The following CFAP251 variants were observed in gnomAD, a reference collection of about 807,000 sequenced individuals.
CFAP251 encodes cilia- and flagella-associated protein 251.
Under a neutral mutation model 126.7 loss-of-function variants are expected in CFAP251, and 93 were observed. That is an observed-to-expected ratio of 0.73 (90% CI 0.62 to 0.87). The LOEUF (loss-of-function observed/expected upper bound fraction) is 0.87, where lower values mean the gene tolerates loss of function less well. CFAP251 is among the 40% of genes least tolerant of loss of function. CFAP251 has a pLI of 0.00. For missense variants in CFAP251, 1,287 were observed against 1,389.2 expected, an observed-to-expected ratio of 0.93 and a Z score of 1.17; for synonymous variants, 503 against 506.9, an observed-to-expected ratio of 0.99 and a Z score of 0.10.
At chr12:121,941,268 GTGAT>G (rs1881102127) in intron 5 of CFAP251, among the ~76,000 whole-genome samples, 1 of 149,674 alleles carries the variant, frequency 6.7e-6, no homozygotes, top group Non-Finnish European at 1.5e-5. Flanking sequence ...CTGACCTCAG[GTGAT>G]CCACCTGCCT....
intron 5 of CFAP251, among the ~76,000 whole-genome samples, chr12:121,940,846 T>C (rs1881082250): frequency 6.6e-6 from 1 of 152,070 alleles, no homozygotes; most frequent in Admixed American, 6.6e-5. Context: ...AACCATTGCT[T>C]ACAGTTTGGA....
intron 8 of CFAP251, chr12:121,949,546 G>T (rs1228579094): frequency 7.0e-6 from 1 of 142,934 alleles, no homozygotes; most frequent in Admixed American, 7.4e-5. Context: ...TTAGCAAACA[G>T]ATTAGTGATA....
intron 6 of CFAP251, 110 bp downstream of exon 6, chr12:121,942,755 C>A: frequency 8.0e-7 from 1 of 1,250,514 alleles, no homozygotes; most frequent in Non-Finnish European, 1.1e-6. Flanking sequence ...GTGATATTCT[C>A]AAAAGACCAG....
In CFAP251 at chr12:122,003,680, T is replaced by C. The variant is rs78024725; in HGVS notation, c.3366T>C (p.Leu1122=). ...CAGAAATTTGCCTTGAAGAAGAACT[T>C]CCAGACGAAATCACTGCAGAAATAT... ...KGSEICLEEE[L]PDEITAEIFA... is the part of the protein sequence containing the mutation. The change falls in exon 22 of 22, where the codon CTT becomes CTC. Residue 1122 remains leucine, a synonymous_variant. Coordinates refer to ENST00000288912, the MANE Select transcript of CFAP251 (RefSeq NM_144668.6). 1.6e-3 allele frequency: 2,571 copies of C among 1,610,864 alleles called. 82 individuals are homozygous for C. In the East Asian group the frequency reaches 0.053, roughly 33 times the overall value.
At chr12:121,969,971 T>G (rs1882278871) in intron 17 of CFAP251, 1 of 985,094 alleles carries the variant, frequency 1.0e-6, no homozygotes, top group African/African-American at 1.7e-5. Flanking sequence ...ACTTCATTGC[T>G]GCTTCTGGTG....
At chr12:121,935,897 G>T (rs569920610) in intron 5 of CFAP251, among the ~76,000 whole-genome samples, 1 of 152,252 alleles carries the variant, frequency 6.6e-6, no homozygotes, top group Admixed American at 6.5e-5. Context: ...AGTCTCTCTG[G>T]TATCAAGGTT....
At chr12:122,001,021 A>G (rs1321176394) in intron 20 of CFAP251, among the ~76,000 whole-genome samples, 1 of 149,704 alleles carries the variant, frequency 6.7e-6, no homozygotes, top group African/African-American at 2.5e-5. Context: ...GCAAGACTTC[A>G]TCTCCACCAG....
chr12:121,951,613 T>C (rs915723681), intron 9 of CFAP251, 83 bp downstream of exon 9: 4 of 992,812 alleles, frequency 4.0e-6, no homozygotes, highest in Admixed American at 4.2e-5. Flanking sequence ...TTCGGGCTAC[T>C]CTTTGTACAT....
chr12:121,931,247 A>G (rs12578258), intron 3 of CFAP251, among the ~76,000 whole-genome samples: 38,695 of 152,104 alleles, frequency 0.25, 6,036 homozygotes, highest in East Asian at 0.5. Context: ...TAATGGAGAT[A>G]TAATTAACAT....
chr12:121,939,565 C>T, intron 5 of CFAP251, among the ~76,000 whole-genome samples: 1 of 150,808 alleles, frequency 6.6e-6, no homozygotes, highest in Non-Finnish European at 1.5e-5. Context: ...AACTCTCTCT[C>T]TACTAGACAT....
chr12:121,998,372 T>C (rs1457658038), intron 19 of CFAP251: 3 of 142,846 alleles, frequency 2.1e-5, no homozygotes, highest in African/African-American at 5.2e-5. Context: ...GTTTATATTA[T>C]TGATCTTATA....
chr12:121,948,396 A>T (rs1039087403), intron 7 of CFAP251: 1 of 152,152 alleles, frequency 6.6e-6, no homozygotes, highest in Non-Finnish European at 1.5e-5. Context: ...TATTATTATT[A>T]TTGTTATTAT....
intron 13 of CFAP251, 31 bp from the exon 14 acceptor site, chr12:121,960,554 G>A (rs199943457): frequency 1.2e-5 from 19 of 1,611,420 alleles, no homozygotes; most frequent in Non-Finnish European, 1.6e-5. Context: ...ACGTAAAATG[G>A]GATAACTCCT....
chr12:121,951,291 A>T (rs1016184255), intron 8 of CFAP251, 189 bp from the exon 9 acceptor site: 1 of 442,234 alleles, frequency 2.3e-6, no homozygotes, highest in Non-Finnish European at 4.1e-6. Flanking sequence ...CATTTTTTAT[A>T]TTTTTTATGT....
In CFAP251 at chr12:121,999,944, G is replaced by A. The variant is rs765528971; in HGVS notation, c.3235G>A (p.Gly1079Ser). The change falls in exon 20 of 22, where the codon GGT (glycine) becomes AGT (serine). Residue 1079 changes from glycine to serine, a missense_variant and splice_region_variant. Coordinates refer to ENST00000288912, the MANE Select transcript of CFAP251 (RefSeq NM_144668.6). ...EDFLRLLVTK[G>S]EHMTEEEMLD... ...CTTCCTGAGACTGCTCGTTACTAAA[G>A]GTAAGCACATACATCAGGATGTCTG... The A allele has an allele frequency of 1.9e-6, 3 of 1,609,318 alleles. No homozygotes were observed. Among genetic ancestry groups the A allele is most frequent in the Non-Finnish European group, 2.6e-6 (3 of 1,175,896 alleles).
At chr12:121,953,996 T>G in intron 9 of CFAP251, 124 bp from the exon 10 acceptor site, 5 of 936,082 alleles carry the variant, frequency 5.3e-6, no homozygotes, top group Non-Finnish European at 7.9e-6. Flanking sequence ...GTTTTAGTGA[T>G]TGTTTTCTTT....
At chr12:121,939,784 A>G (rs1297631143) in intron 5 of CFAP251, among the ~76,000 whole-genome samples, 2 of 152,176 alleles carry the variant, frequency 1.3e-5, no homozygotes, top group African/African-American at 4.8e-5. Context: ...TTCTTCCTCC[A>G]GTTTTTCGCT....
chr12:121,963,546 G>T (rs1639044191), intron 15 of CFAP251, among the ~76,000 whole-genome samples: 1 of 151,156 alleles, frequency 6.6e-6, no homozygotes, highest in Non-Finnish European at 1.5e-5. Context: ...GGAGCAGGGA[G>T]TCCACAGCCA....
chr12:121,974,587 A>G lies in CFAP251; in HGVS notation c.2772-657A>G, dbSNP rs2135798690. Among the ~76,000 whole-genome samples the G allele has an allele frequency of 6.6e-6, 1 of 152,294 alleles. No homozygotes were observed. Among genetic ancestry groups the G allele is most frequent in the Admixed American group, 6.5e-5 (1 of 15,300 alleles). On this transcript the variant is annotated intron_variant, in intron 17 of 21. Coordinates refer to ENST00000288912, the MANE Select transcript of CFAP251 (RefSeq NM_144668.6). The surrounding 1 kb of genome is among the most constrained non-coding windows in gnomAD (Gnocchi z 4.6). The stretch of plus-strand genomic sequence containing the variant: ...ATGAGGTGTGCTTGATGTCGCAGCA[A>G]AAAGGCTAATCACCCGATTAGCAGT...
Sources: gnomAD v4.1 joint callset for allele counts (sites outside exome capture counted in the v4.1 genomes callset) on GRCh38, gnomAD v4.1.1 for gene constraint, Gnocchi (gnomAD v3.1) non-coding constraint, MANE v1.5 for transcripts, NCBI Gene and HGNC (gene_info 2026-07-23, HGNC 2026-07-21) for gene names.